Variants in TNS2 observed in about 807,000 individuals in gnomAD.
The protein encoded by TNS2 is tensin 2.
Under a neutral mutation model 155.7 loss-of-function variants are expected in TNS2, and 77 were observed. That is an observed-to-expected ratio of 0.49 (90% CI 0.41 to 0.60). TNS2 has a LOEUF of 0.60. Among genes scored for constraint, TNS2 ranks in the 20% least tolerant of loss-of-function variants. TNS2 has a pLI of 0.00. For synonymous variants in TNS2, 726 were observed against 763.9 expected, an observed-to-expected ratio of 0.95 and a Z score of 0.82; for missense variants, 1,703 against 1,868.8, an observed-to-expected ratio of 0.91 and a Z score of 1.64.
Position 53,058,366 on chromosome 12 carries a change from C to G in TNS2, c.1146C>G (p.Phe382Leu). The G allele has an allele frequency of 1.2e-6, 2 of 1,614,176 alleles. No homozygotes were observed. The highest frequency in any genetic ancestry group is 1.7e-6 in the Non-Finnish European group (2 of 1,180,016). Reference protein sequence around the residue: ...GGRGTDRTLVFRVQFHTCTIH... With the variant: ...GGRGTDRTLVLRVQFHTCTIH... ...GGGGCACAGACCGGACCCTCGTGTTCCGAGTCCAGTTCCACACCTGCACCA... is the reference window on the plus strand; with the variant it reads ...GGGGCACAGACCGGACCCTCGTGTTGCGAGTCCAGTTCCACACCTGCACCA... Residue 382 changes from phenylalanine to leucine, a missense_variant, in exon 15 of 29, where the codon TTC becomes TTG. Phe to Leu is a conservative substitution (Grantham distance 22). Transcript: ENST00000314250.
chr12:53,057,818 A>G lies in TNS2; in HGVS notation c.1004A>G (p.Tyr335Cys), dbSNP rs1289249519. The G allele has an allele frequency of 6.2e-7, 1 of 1,613,878 alleles. No homozygotes were observed. Among genetic ancestry groups the G allele is most frequent in the Admixed American group, 1.7e-5 (1 of 60,020 alleles). Residue 335 changes from tyrosine (Y) to cysteine (C), a missense_variant, in exon 13 of 29, where the codon TAC becomes TGC. Physicochemically the swap from Tyr to Cys is radical, Grantham distance 194. Coordinates refer to ENST00000314250, the MANE Select transcript of TNS2 (RefSeq NM_170754.4). ...LKIYQSMQLV[Y>C]TSGVYHIAGP... is the part of the protein sequence containing the mutation. Reference sequence around the variant, plus strand: ...ATCTACCAGTCCATGCAGCTTGTCTACACATCTGGAGTCTAGTGAGTGCTC... The same window carrying G: ...ATCTACCAGTCCATGCAGCTTGTCTGCACATCTGGAGTCTAGTGAGTGCTC...
At chr12:53,051,183 G>T (rs1288421028) in intron 1 of TNS2, among the ~76,000 whole-genome samples, 1 of 152,200 alleles carries the variant, frequency 6.6e-6, no homozygotes, top group Non-Finnish European at 1.5e-5. Context: ...GGTGCAGGGG[G>T]TCGGGGGAGA....
At chr12:53,051,326 C>T (rs547652883) in intron 1 of TNS2, among the ~76,000 whole-genome samples, 33 of 152,302 alleles carry the variant, frequency 2.2e-4, no homozygotes, top group African/African-American at 6.3e-4. Context: ...ACATGTTGTT[C>T]TGACCGTGGG....
rs1315312642 is a variant in TNS2 at position 53,064,200 on chromosome 12, G to T, written c.*318G>T. The T allele has an allele frequency of 1.2e-5, 4 of 333,128 alleles. No individual in the cohort carries two copies. Among genetic ancestry groups the T allele is most frequent in the South Asian group, 4.4e-5 (1 of 22,934 alleles). The allele number at this position is 333,128 out of a possible 1,614,324, so 20.6% of individuals were successfully genotyped here. A position where few individuals can be genotyped will look rare whatever the true frequency, so the allele number is the denominator to read the frequency against. ...GCAGGAGAACGTCAGCCCTCCAGGG[G>T]ATCAGCCCCTGCCAGTTCCACCCAG... On this transcript the variant is annotated 3_prime_UTR_variant, in exon 29 of 29. Coordinates refer to ENST00000314250, the MANE Select transcript of TNS2 (RefSeq NM_170754.4).
chr12:53,059,448 G>A lies in TNS2; in HGVS notation c.1807G>A (p.Gly603Arg), dbSNP rs754129044. The A allele has an allele frequency of 1.6e-5, 24 of 1,505,500 alleles. No homozygotes were observed. The highest frequency in any genetic ancestry group is 2.4e-5 in the Admixed American group (1 of 41,396). 93.3% of individuals were successfully genotyped at this position (1,505,500 alleles called of 1,614,324 possible). Residue 603 changes from glycine to arginine, a missense_variant, in exon 18 of 29, where the codon GGG (glycine) becomes AGG (arginine). Transcript: ENST00000314250. This position sits in a 1 kb window ranked among gnomAD's most constrained non-coding sequence, Gnocchi z 4.7. Reference protein sequence around the residue: ...SCRQGYREPCGVPNGGYYRPE... With the variant: ...SCRQGYREPCRVPNGGYYRPE... The stretch of plus-strand genomic sequence containing the variant: ...CCGCCAGGGCTACCGGGAGCCCTGC[G>A]GGGTTCCCAATGGGGGCTACTACCG...
At position 53,060,658 on chromosome 12, in the gene TNS2, G is replaced by A. The variant is rs562642349; in HGVS notation, c.2769-17G>A. ...ACAATGGGGGCTCTGCTGACCATCTGCCCTTCCACCCTACAGCACCCGGCG... is the reference window on the plus strand; with the variant it reads ...ACAATGGGGGCTCTGCTGACCATCTACCCTTCCACCCTACAGCACCCGGCG... On this transcript the variant is annotated splice_polypyrimidine_tract_variant and intron_variant, in intron 19 of 28. Transcript: ENST00000314250. This position sits in a 1 kb window ranked among gnomAD's most constrained non-coding sequence, Gnocchi z 6.1. 2.5e-6 allele frequency: 4 copies of A among 1,581,906 alleles called. No individual in the cohort carries two copies. Among genetic ancestry groups the A allele is most frequent in the South Asian group, 2.3e-5 (2 of 88,254 alleles).
At position 53,057,078 on chromosome 12, in the gene TNS2, T is replaced by A. The variant is rs373364251; in HGVS notation, c.827T>A (p.Leu276Gln). ...KFCEDKVATE[L>Q]QPSQRRYISY... ...TGCGAGGACAAGGTGGCCACAGAAC[T>A]GCAGCCCTCCCAGCGTCGGTGAGCA... Residue 276 changes from leucine (L) to glutamine (Q), a missense_variant, in exon 11 of 29, where the codon CTG becomes CAG. By Grantham distance (113) the Leu-to-Gln change is moderately radical (BLOSUM62 -2). Transcript: ENST00000314250. 2.2e-5 allele frequency: 35 copies of A among 1,613,262 alleles called. No individual in the cohort carries two copies. Among genetic ancestry groups the A allele is most frequent in the Non-Finnish European group, 3.0e-5 (35 of 1,179,784 alleles).
Position 53,053,804 on chromosome 12 carries a change from G to T in TNS2, c.292G>T (p.Glu98Ter). The T allele has an allele frequency of 6.2e-7, 1 of 1,612,572 alleles. No individual in the cohort carries two copies. The highest frequency in any genetic ancestry group is 1.1e-5 in the South Asian group (1 of 91,046). ...AAACACGGCCCCAGTCAGGCGCATA[G>T]AGCACCTGGTAAGGTGATGCTGGAG... ...RRNTAPVRRI[E>*]HLGSTKSLNH... Residue 98 changes from glutamate (E) to a stop codon, truncating the protein, a stop_gained, in exon 5 of 29, where the codon GAG becomes TAG. Transcript: ENST00000314250. LOFTEE classifies it high-confidence loss of function.
At position 53,059,072 on chromosome 12, in the gene TNS2, C is replaced by T. The variant is rs756475641; in HGVS notation, c.1431C>T (p.Pro477=). The change falls in exon 18 of 29, where the codon CCC becomes CCT. Residue 477 remains proline, a synonymous_variant. Coordinates refer to ENST00000314250, the MANE Select transcript of TNS2 (RefSeq NM_170754.4). This position sits in a 1 kb window ranked among gnomAD's most constrained non-coding sequence, Gnocchi z 4.7. ...VDGSLTHTRG[P]LDGSPYAQVQ... ...GCTCCTTGACCCACACCCGGGGTCC[C>T]CTGGATGGCAGTCCTTATGCCCAGG... The T allele has an allele frequency of 3.6e-5, 56 of 1,539,122 alleles. No homozygotes were observed. Among genetic ancestry groups the T allele is most frequent in the Non-Finnish European group, 4.2e-5 (48 of 1,146,038 alleles).
chr12:53,058,870 G>A lies in TNS2; in HGVS notation c.1405+43G>A, dbSNP rs534672023. On this transcript the variant is annotated intron_variant, in intron 17 of 28. Coordinates refer to ENST00000314250, the MANE Select transcript of TNS2 (RefSeq NM_170754.4). ...AGGGTGGGAGGTACAGGGTTGTGGC[G>A]GGACCCTGGGGGGTGGTGCCAGGGA... The A allele has an allele frequency of 6.1e-5, 98 of 1,598,854 alleles. 2 individuals are homozygous for A. The East Asian group carries it at 6.9e-4, about 11-fold the overall frequency.
rs781395155 is a variant in TNS2, at chr12:53,062,235, G to A, written c.3657G>A (p.Glu1219=). The A allele has an allele frequency of 6.2e-7, 1 of 1,614,036 alleles. No homozygotes were observed. Among genetic ancestry groups the A allele is most frequent in the Non-Finnish European group, 8.5e-7 (1 of 1,179,960 alleles). ...TGAAGATCAAGGGCTGCCCCAGTGA[G>A]CCCTACTTTGGTGAGAAGCAGGAGC... ...KGVKIKGCPS[E]PYFGSLSALV... is the part of the protein sequence containing the mutation. The change falls in exon 23 of 29, where the codon GAG becomes GAA. Residue 1219 remains glutamate (E), a synonymous_variant. Coordinates refer to ENST00000314250, the MANE Select transcript of TNS2 (RefSeq NM_170754.4).
Position 53,055,709 on chromosome 12 carries a change from T to A in TNS2, c.696+19T>A. 6.2e-7 allele frequency: 1 copy of A among 1,614,118 alleles called. No homozygotes were observed. The highest frequency in any genetic ancestry group is 8.5e-7 in the Non-Finnish European group (1 of 1,180,028). The stretch of plus-strand genomic sequence containing the variant: ...CTGCAAGGTGGGCCAGGACCTCGGG[T>A]TCCCTGGTGCCTGGAGGTTCCAGGT... On this transcript the variant is annotated intron_variant, in intron 9 of 28. Coordinates refer to ENST00000314250, the MANE Select transcript of TNS2 (RefSeq NM_170754.4).
At chr12:53,047,478 A>AGGGCGCGGGGCGCGGGGCGCG (rs540859660), upstream of TNS2, among the ~76,000 whole-genome samples, 60 of 144,508 alleles carry the variant, frequency 4.2e-4, no homozygotes, top group African/African-American at 1.4e-3. Flanking sequence ...GGAGGTCGAG[A>AGGGCGCGGGGCGCGGGGCGCG]GGGCGCGGGG....
At chr12:53,052,067 C>T in intron 2 of TNS2, 104 bp downstream of exon 2, 2 of 1,009,990 alleles carry the variant, frequency 2.0e-6, no homozygotes, top group Admixed American at 4.7e-5. Flanking sequence ...ATATGCTGCT[C>T]CTGGATTAGG....
At chr12:53,049,968 C>A (rs1204174371), upstream of TNS2, 15 of 1,247,702 alleles carry the variant, frequency 1.2e-5, no homozygotes, top group Non-Finnish European at 1.3e-5. Context: ...TGGCCTCCCC[C>A]ACATCCTCCC....
chr12:53,048,221 G>GGAT (rs1439334391), upstream of TNS2, among the ~76,000 whole-genome samples: 3 of 152,194 alleles, frequency 2.0e-5, no homozygotes, highest in East Asian at 5.8e-4. Context: ...CAGCCACAGT[G>GGAT]GATCCTGACC....
At chr12:53,055,045 A>G in intron 7 of TNS2, 141 bp from the exon 8 acceptor site, 1 of 898,830 alleles carries the variant, frequency 1.1e-6, no homozygotes. Flanking sequence ...TGGTCTCCCA[A>G]AGTGCTGGGG....
chr12:53,053,741 A>G, intron 4 of TNS2, 33 bp from the exon 5 acceptor site: 2 of 1,608,046 alleles, frequency 1.2e-6, no homozygotes, highest in Non-Finnish European at 1.7e-6. Flanking sequence ...GCTGTAACTA[A>G]CCACTCCCTT....
At chr12:53,054,151 T>C (rs1944041964) in intron 6 of TNS2, 119 bp from the exon 7 acceptor site, 3 of 1,549,306 alleles carry the variant, frequency 1.9e-6, no homozygotes, top group South Asian at 2.2e-5. Flanking sequence ...TCCAGACCGA[T>C]CCACCCACCC....
Sources: allele counts gnomAD v4.1 joint callset (sites outside exome capture counted in the v4.1 genomes callset), GRCh38; gene constraint gnomAD v4.1.1; non-coding constraint Gnocchi (gnomAD v3.1); transcripts MANE v1.5; gene names NCBI Gene and HGNC (gene_info 2026-07-23, HGNC 2026-07-21).